Variants in NDST4 observed in about 807,000 individuals in gnomAD.
NDST4 encodes the protein N-deacetylase and N-sulfotransferase 4.
NDST4 carries 63 observed loss-of-function variants against 100.8 expected under a neutral mutation model. The observed-to-expected ratio is 0.62, with a 90% confidence interval of 0.51 to 0.77. NDST4 has a LOEUF of 0.77. Among genes scored for constraint, NDST4 ranks in the 30% least tolerant of loss-of-function variants. The pLI is 0.00. For missense variants in NDST4, 943 were observed against 1,018.4 expected (o/e 0.93, Z 1.01); for synonymous variants, 377 against 361.8 (o/e 1.04, Z -0.48).
At chr4:114,929,015 C>CCTAT (rs200532165) in intron 6 of NDST4, among the ~76,000 whole-genome samples, 5 of 149,080 alleles carry the variant, frequency 3.4e-5, no homozygotes, top group African/African-American at 1.3e-4. Context: ...TCTCTATATC[C>CCTAT]CTATCTATCT....
At chr4:114,967,563 G>C (rs1726411336) in intron 4 of NDST4, among the ~76,000 whole-genome samples, 2 of 152,052 alleles carry the variant, frequency 1.3e-5, no homozygotes, top group African/African-American at 2.4e-5. Context: ...CTCTAGAGTA[G>C]GAGTGTAGTG....
At chr4:114,902,504 A>C (rs1255753425) in intron 6 of NDST4, among the ~76,000 whole-genome samples, 1 of 151,778 alleles carries the variant, frequency 6.6e-6, no homozygotes, top group Non-Finnish European at 1.5e-5. Context: ...AATTTTTTAA[A>C]TTTTGTTTTT....
chr4:115,092,432 A>C (rs1729538003), intron 1 of NDST4, among the ~76,000 whole-genome samples: 1 of 151,650 alleles, frequency 6.6e-6, no homozygotes. Flanking sequence ...AAGCATGTTC[A>C]AGTTGCTGGA....
chr4:114,933,064 T>C (rs1256399854), intron 6 of NDST4, among the ~76,000 whole-genome samples: 1 of 152,086 alleles, frequency 6.6e-6, no homozygotes, highest in Non-Finnish European at 1.5e-5. Context: ...TTATCTATCA[T>C]CAAACTATAC....
chr4:114,987,139 G>A (rs959130635), intron 2 of NDST4, among the ~76,000 whole-genome samples: 3 of 151,864 alleles, frequency 2.0e-5, no homozygotes, highest in African/African-American at 7.3e-5. Flanking sequence ...AATGGCTTTA[G>A]GAATAATATG....
At chr4:114,996,621 C>A (rs1578440247) in intron 2 of NDST4, among the ~76,000 whole-genome samples, 1 of 152,154 alleles carries the variant, frequency 6.6e-6, no homozygotes, top group Middle Eastern at 3.4e-3. Flanking sequence ...CAAGCCAAGT[C>A]CCCCTCCTTG....
At chr4:114,960,286 T>C (rs983784678) in intron 4 of NDST4, among the ~76,000 whole-genome samples, 2 of 152,074 alleles carry the variant, frequency 1.3e-5, no homozygotes, top group African/African-American at 2.4e-5. Context: ...TGAAAGCAAA[T>C]AACCACAGAG....
At chr4:114,993,187 T>G (rs950121974) in intron 2 of NDST4, among the ~76,000 whole-genome samples, 13 of 151,888 alleles carry the variant, frequency 8.6e-5, no homozygotes, top group African/African-American at 3.1e-4. Context: ...TTGCTTATTA[T>G]TCTTTTTTAG....
Position 114,993,258 on chromosome 4 carries a change from G to A in NDST4, c.979-15984C>T, listed in dbSNP as rs559601781. 2.0e-5 allele frequency among the ~76,000 whole-genome samples: 3 copies of A among 151,988 alleles called. No individual in the cohort carries two copies. The East Asian group carries it at 5.8e-4, about 29-fold the overall frequency. On this transcript the variant is annotated intron_variant, in intron 2 of 13. Transcript: ENST00000264363. ...TGACATCTGGGTGTGCACTACTAAA[G>A]TGGATCTAATTTTGAAAGTTTAGGA...
Position 115,065,785 on chromosome 4 carries a change from G to A in NDST4, c.978+10274C>T, listed in dbSNP as rs575698749. 3.3e-5 allele frequency among the ~76,000 whole-genome samples: 5 copies of A among 152,190 alleles called. No individual in the cohort carries two copies. In the South Asian group the frequency reaches 8.3e-4, roughly 25 times the overall value. Reference sequence around the variant, plus strand: ...AAGGCAAACGTTCTATAACAGAATAGGGGATTTATATTCTGGCCACAAACA... The same window carrying A: ...AAGGCAAACGTTCTATAACAGAATAAGGGATTTATATTCTGGCCACAAACA... On this transcript the variant is annotated intron_variant, in intron 2 of 13. Coordinates refer to ENST00000264363, the MANE Select transcript of NDST4 (RefSeq NM_022569.3).
intron 4 of NDST4, among the ~76,000 whole-genome samples, chr4:114,963,600 C>T (rs890296177): frequency 3.3e-5 from 5 of 152,076 alleles, no homozygotes; most frequent in African/African-American, 1.2e-4. Context: ...ATCAATAAAG[C>T]TGCTAAAATG....
chr4:114,910,659 A>T (rs1456688346), intron 6 of NDST4, among the ~76,000 whole-genome samples: 1 of 152,162 alleles, frequency 6.6e-6, no homozygotes, highest in African/African-American at 2.4e-5. Flanking sequence ...GTTATGTAGC[A>T]CTTGAACTAC....
chr4:114,979,918 T>G (rs1560841424), intron 2 of NDST4, among the ~76,000 whole-genome samples: 1 of 152,140 alleles, frequency 6.6e-6, no homozygotes, highest in Non-Finnish European at 1.5e-5. Context: ...TTCTTTAGTT[T>G]TCAAACTTCA....
intron 6 of NDST4, among the ~76,000 whole-genome samples, chr4:114,924,616 T>C (rs1725352998): frequency 6.6e-6 from 1 of 152,090 alleles, no homozygotes; most frequent in African/African-American, 2.4e-5. Context: ...AAAGTCCCTG[T>C]CTAGAGAAGT....
rs568264814 is a variant in NDST4 at position 114,985,423 on chromosome 4, G to C, written c.979-8149C>G. ...ATGTTTTAGGTACTCAGGATAGAGT[G>C]GAGAATGGCAAAAATAATATCTAAT... is the stretch of plus-strand genomic sequence containing the variant. On this transcript the variant is annotated intron_variant, in intron 2 of 13. Transcript: ENST00000264363. Among the ~76,000 whole-genome samples, 108 of 152,242 alleles carry C rather than the reference G, an allele frequency of 7.1e-4. 1 individual carries two copies. Among genetic ancestry groups the C allele is most frequent in the East Asian group, 5.8e-4 (3 of 5,184 alleles).
intron 2 of NDST4, among the ~76,000 whole-genome samples, chr4:115,007,542 G>C (rs1727446768): frequency 6.6e-6 from 1 of 152,062 alleles, no homozygotes; most frequent in South Asian, 2.1e-4. Context: ...TTTTTTGTTG[G>C]TTTGTTTAAG....
chr4:114,931,193 A>G (rs899255851), intron 6 of NDST4, among the ~76,000 whole-genome samples: 1 of 151,690 alleles, frequency 6.6e-6, no homozygotes, highest in African/African-American at 2.4e-5. Context: ...AATAGAAGCC[A>G]AATGAGATAT....
chr4:115,069,016 T>C (rs1013158650), intron 2 of NDST4, among the ~76,000 whole-genome samples: 4 of 152,080 alleles, frequency 2.6e-5, no homozygotes, highest in African/African-American at 9.7e-5. Context: ...AGTTGACTTA[T>C]ATACATAAAG....
chr4:115,020,428 A>G (rs970260090), intron 2 of NDST4, among the ~76,000 whole-genome samples: 1 of 152,156 alleles, frequency 6.6e-6, no homozygotes, highest in African/African-American at 2.4e-5. Context: ...TCTAAGCAAA[A>G]TATTTAAGAG....
Sources: allele counts gnomAD v4.1 joint callset (sites outside exome capture counted in the v4.1 genomes callset), GRCh38; gene constraint gnomAD v4.1.1; transcripts MANE v1.5; gene names NCBI Gene and HGNC (gene_info 2026-07-23, HGNC 2026-07-21).